The following FMN2 variants were observed in gnomAD, a reference collection of about 807,000 sequenced individuals.
The protein encoded by FMN2 is formin 2.
A neutral mutation model predicts 142.3 loss-of-function variants in FMN2; 51 were observed. The observed-to-expected ratio is 0.36, with a 90% CI of 0.29 to 0.45. The LOEUF (loss-of-function observed/expected upper bound fraction) is 0.45. Ranked by LOEUF, FMN2 falls within the 20% of genes least tolerant of loss-of-function variation. The pLI is 1.00. For missense variants in FMN2, 1,936 were observed against 2,122.8 expected (o/e 0.91, Z 1.73); for synonymous variants, 882 against 869.8 (o/e 1.01, Z -0.25).
At position 240,352,241 on chromosome 1, in the gene FMN2, C is replaced by A. The variant is rs115119464; in HGVS notation, c.4766-3575C>A. Among the ~76,000 whole-genome samples the A allele has an allele frequency of 6.4e-3, 971 of 152,248 alleles. 5 individuals carry two copies. The highest frequency in any genetic ancestry group is 0.01 in the Non-Finnish European group (700 of 68,016). On this transcript the variant is annotated intron_variant, in intron 13 of 17. Coordinates refer to ENST00000319653, the MANE Select transcript of FMN2 (RefSeq NM_020066.5). ...CAGTTCTGTTCGTGGCAGTCTTCAGCACCTAGAGCAGTCCCTTGAATCAGT... is the reference window on the plus strand; with the variant it reads ...CAGTTCTGTTCGTGGCAGTCTTCAGAACCTAGAGCAGTCCCTTGAATCAGT...
At chr1:240,444,098 G>GT (rs1675723517) in intron 16 of FMN2, among the ~76,000 whole-genome samples, 2 of 152,214 alleles carry the variant, frequency 1.3e-5, no homozygotes, top group Admixed American at 1.3e-4. Flanking sequence ...CTTCTCTGTT[G>GT]TAAGTTGCGC....
chr1:240,429,090 G>A (rs1193545640), intron 15 of FMN2, among the ~76,000 whole-genome samples: 1 of 152,064 alleles, frequency 6.6e-6, no homozygotes, highest in Admixed American at 6.5e-5. Flanking sequence ...TTCTAATTCA[G>A]TTTTCATGTG....
chr1:240,219,912 G>A (rs562598648), intron 6 of FMN2, among the ~76,000 whole-genome samples: 27 of 152,252 alleles, frequency 1.8e-4, no homozygotes, highest in African/African-American at 2.2e-4. Context: ...TCCTGCCTCC[G>A]CTTCCCAAAG....
At chr1:240,330,373 A>G (rs1321552202) in intron 10 of FMN2, among the ~76,000 whole-genome samples, 2 of 152,186 alleles carry the variant, frequency 1.3e-5, no homozygotes, top group Non-Finnish European at 2.9e-5. Flanking sequence ...GAAATGGCCT[A>G]ACATAGCATC....
intron 15 of FMN2, among the ~76,000 whole-genome samples, chr1:240,431,402 TTA>T (rs35500291): frequency 0.73 from 101,009 of 139,066 alleles, 37,400 homozygotes; most frequent in Middle Eastern, 0.85. Context: ...CAACCATGTT[TTA>T]TATATATATA....
intron 8 of FMN2, among the ~76,000 whole-genome samples, chr1:240,322,182 C>T (rs1375466172): frequency 7.9e-6 from 1 of 127,186 alleles, no homozygotes; most frequent in Admixed American, 8.6e-5. Context: ...GCTTTTCCCA[C>T]CCCAACTTAC....
chr1:240,118,456 G>C (rs780619988), intron 1 of FMN2, among the ~76,000 whole-genome samples: 2 of 152,072 alleles, frequency 1.3e-5, no homozygotes, highest in Non-Finnish European at 2.9e-5. Context: ...GTTGTTTGTG[G>C]TTAGCAGTCA....
intron 5 of FMN2, among the ~76,000 whole-genome samples, chr1:240,209,800 A>T (rs1666614222): frequency 6.6e-6 from 1 of 151,652 alleles, no homozygotes; most frequent in Admixed American, 6.6e-5. Context: ...GCTACTCGGG[A>T]GGCTGAGGCA....
chr1:240,173,991 C>A (rs956607462), intron 2 of FMN2, among the ~76,000 whole-genome samples: 3 of 152,114 alleles, frequency 2.0e-5, no homozygotes, highest in Non-Finnish European at 4.4e-5. Context: ...GCTCTCTAGG[C>A]AAAAGTCTTT....
intron 16 of FMN2, among the ~76,000 whole-genome samples, chr1:240,447,861 C>T (rs1675881166): frequency 6.6e-6 from 1 of 152,090 alleles, no homozygotes; most frequent in Non-Finnish European, 1.5e-5. Flanking sequence ...GTGAATTGTA[C>T]GGCATGTGAA....
intron 13 of FMN2, among the ~76,000 whole-genome samples, chr1:240,355,288 G>A (rs1466744835): frequency 6.6e-6 from 1 of 152,126 alleles, no homozygotes; most frequent in Non-Finnish European, 1.5e-5. Context: ...ACAATTATTG[G>A]ATGCTATACT....
chr1:240,324,663 T>C (rs1419738746), intron 8 of FMN2, among the ~76,000 whole-genome samples: 2 of 126,886 alleles, frequency 1.6e-5, no homozygotes, highest in East Asian at 4.8e-4. Context: ...AGTGAGACCC[T>C]GTCGAAAGAA....
intron 1 of FMN2, among the ~76,000 whole-genome samples, chr1:240,098,603 A>G (rs1185546259): frequency 6.6e-6 from 1 of 152,216 alleles, no homozygotes; most frequent in East Asian, 1.9e-4. Context: ...AGGGGTTTAT[A>G]TGAATGCTAT....
intron 2 of FMN2, among the ~76,000 whole-genome samples, chr1:240,175,522 G>T: frequency 6.6e-6 from 1 of 152,108 alleles, no homozygotes; most frequent in South Asian, 2.1e-4. Flanking sequence ...TTTGGATAGG[G>T]CCTTGCTCTT....
chr1:240,264,019 A>T (rs984722626), intron 7 of FMN2, among the ~76,000 whole-genome samples: 1 of 152,220 alleles, frequency 6.6e-6, no homozygotes, highest in African/African-American at 2.4e-5. Flanking sequence ...TCAGAAGTAC[A>T]GTTGATACAG....
chr1:240,353,765 T>C (rs917767754), intron 13 of FMN2, among the ~76,000 whole-genome samples: 4 of 152,194 alleles, frequency 2.6e-5, no homozygotes, highest in Non-Finnish European at 5.9e-5. Flanking sequence ...ACATGCTTAA[T>C]GTGCTCCCTG....
chr1:240,223,948 A>AT (rs1195888684), intron 6 of FMN2, among the ~76,000 whole-genome samples: 3 of 151,792 alleles, frequency 2.0e-5, no homozygotes, highest in East Asian at 1.9e-4. Flanking sequence ...GGATTCGTTG[A>AT]TTTTTTTGAA....
At chr1:240,442,519 C>A (rs1288916948) in intron 16 of FMN2, among the ~76,000 whole-genome samples, 1 of 152,144 alleles carries the variant, frequency 6.6e-6, no homozygotes, top group Non-Finnish European at 1.5e-5. Flanking sequence ...TTAAAATCAC[C>A]CATGTGATTA....
At chr1:240,403,451 T>C (rs1218221353) in intron 15 of FMN2, among the ~76,000 whole-genome samples, 1 of 152,084 alleles carries the variant, frequency 6.6e-6, no homozygotes, top group Non-Finnish European at 1.5e-5. Context: ...CTGAACAACA[T>C]GGCAAAACCT....
Sources: gnomAD v4.1 joint callset for allele counts (sites outside exome capture counted in the v4.1 genomes callset) on GRCh38, gnomAD v4.1.1 for gene constraint, MANE v1.5 for transcripts, NCBI Gene and HGNC (gene_info 2026-07-23, HGNC 2026-07-21) for gene names.